PIEZO2: variants seen among roughly 807,000 people sequenced by gnomAD.
The protein encoded by PIEZO2 is piezo-type mechanosensitive ion channel component 2.
In PIEZO2, 172 loss-of-function variants were observed where a neutral mutation model predicts 337.3. That is an observed-to-expected ratio of 0.51 (90% CI 0.45 to 0.58). The LOEUF is 0.58. PIEZO2 is among the 20% of genes least tolerant of loss of function. The probability of loss-of-function intolerance (pLI) is 0.00; values close to 1 mark genes in which losing one functional copy is unlikely to be tolerated. For missense variants in PIEZO2, 3,028 were observed against 3,391.3 expected, an observed-to-expected ratio of 0.89 and a Z score of 2.66; for synonymous variants, 1,251 against 1,228.5, an observed-to-expected ratio of 1.02 and a Z score of -0.38.
intron 2 of PIEZO2, among the ~76,000 whole-genome samples, chr18:11,000,730 G>A (rs764815986): frequency 4.6e-5 from 7 of 152,198 alleles, no homozygotes; most frequent in Non-Finnish European, 1.0e-4. Context: ...GGCTTACCAG[G>A]AAATGAGATT....
At chr18:11,064,649 G>C (rs1327847326) in intron 2 of PIEZO2, among the ~76,000 whole-genome samples, 2 of 152,166 alleles carry the variant, frequency 1.3e-5, no homozygotes, top group East Asian at 3.8e-4. Flanking sequence ...ATTCAGGGCT[G>C]GTTAGTTTGG....
In PIEZO2 at chr18:10,969,897, A is replaced by G. The variant is rs2034166430; in HGVS notation, c.286+9638T>C. Among the ~76,000 whole-genome samples, 1 of 151,770 alleles carries G rather than the reference A, an allele frequency of 6.6e-6. No homozygotes were observed. The highest frequency in any genetic ancestry group is 2.4e-5 in the African/African-American group (1 of 41,322). On this transcript the variant is annotated intron_variant, in intron 3 of 55. Coordinates refer to ENST00000674853, the MANE Select transcript of PIEZO2 (RefSeq NM_001378183.1). The surrounding 1 kb of genome is among the most constrained non-coding windows in gnomAD (Gnocchi z 4.5). Reference sequence around the variant, plus strand: ...AGTCATCAAATTTTGTCTTTGCCATACCTTTATTTCTCCTTTTTTTGGCTG... The same window carrying G: ...AGTCATCAAATTTTGTCTTTGCCATGCCTTTATTTCTCCTTTTTTTGGCTG...
intron 49 of PIEZO2, among the ~76,000 whole-genome samples, chr18:10,689,191 T>C (rs1204084807): frequency 6.6e-6 from 1 of 152,202 alleles, no homozygotes; most frequent in Non-Finnish European, 1.5e-5. Flanking sequence ...TCTAGACATA[T>C]TTAAACCTTA....
Position 11,047,740 on chromosome 18 carries a change from G to A in PIEZO2, c.160+18387C>T, listed in dbSNP as rs905362534. On this transcript the variant is annotated intron_variant, in intron 2 of 55. Transcript: ENST00000674853. This position sits in a 1 kb window ranked among gnomAD's most constrained non-coding sequence, Gnocchi z 7.2. ...GGGCCTTTCTCCACAACAACTAAGA[G>A]TATGGCTTTGACAGGTGTCCCTGCA... Among the ~76,000 whole-genome samples, 3 of 152,118 alleles carry A rather than the reference G, an allele frequency of 2.0e-5. No homozygotes were observed. The highest frequency in any genetic ancestry group is 7.2e-5 in the African/African-American group (3 of 41,426).
intron 5 of PIEZO2, among the ~76,000 whole-genome samples, chr18:10,865,779 T>A (rs1010348160): frequency 1.3e-5 from 2 of 152,098 alleles, no homozygotes; most frequent in African/African-American, 4.8e-5. Flanking sequence ...ATTCCTTGAG[T>A]GATGCAGGTT....
At chr18:10,845,509 C>T (rs1178271675) in intron 7 of PIEZO2, among the ~76,000 whole-genome samples, 3 of 152,124 alleles carry the variant, frequency 2.0e-5, no homozygotes, top group Admixed American at 6.5e-5. Context: ...AAATCACATA[C>T]ATGTGTTTCT....
chr18:11,072,848 G>C (rs74617037), intron 1 of PIEZO2, among the ~76,000 whole-genome samples: 1 of 152,100 alleles, frequency 6.6e-6, no homozygotes, highest in Non-Finnish European at 1.5e-5. Flanking sequence ...GGTCAAGGCC[G>C]GGCTAGGATT....
rs745618117 is a variant in PIEZO2, at chr18:10,882,834, C to CTTTTTT, written c.330-11425_330-11420dup. On this transcript the variant is annotated intron_variant, in intron 4 of 55. Coordinates refer to ENST00000674853, the MANE Select transcript of PIEZO2 (RefSeq NM_001378183.1). ...CCATTGTGCATATGTACCACATTTT[C>CTTTTTT]TTTTTTTCTTTTTTTTTTTTTTTGA... Among the ~76,000 whole-genome samples the CTTTTTT allele has an allele frequency of 7.5e-4, 83 of 109,970 alleles. 11 individuals carry two copies. Among genetic ancestry groups the CTTTTTT allele is most frequent in the South Asian group, 1.2e-3 (4 of 3,242 alleles). 72.1% of individuals were successfully genotyped at this position (109,970 alleles called of 152,430 possible).
chr18:11,024,193 C>G (rs555457695), intron 2 of PIEZO2, among the ~76,000 whole-genome samples: 7 of 152,184 alleles, frequency 4.6e-5, no homozygotes, highest in Non-Finnish European at 8.8e-5. Context: ...ACTGTCACCT[C>G]TCACTACGAT....
At chr18:11,079,390 C>A (rs994216986) in intron 1 of PIEZO2, among the ~76,000 whole-genome samples, 1 of 152,182 alleles carries the variant, frequency 6.6e-6, no homozygotes, top group Admixed American at 6.5e-5. Flanking sequence ...GACCACTTGG[C>A]AAACTTTTAC....
chr18:10,839,513 G>A (rs932712084), intron 7 of PIEZO2, among the ~76,000 whole-genome samples: 6 of 152,176 alleles, frequency 3.9e-5, no homozygotes, highest in African/African-American at 7.2e-5. Flanking sequence ...CCCTTATGCC[G>A]ATGATTGTCA....
intron 39 of PIEZO2, among the ~76,000 whole-genome samples, chr18:10,714,477 G>A (rs940908931): frequency 2.0e-5 from 3 of 151,572 alleles, no homozygotes; most frequent in African/African-American, 7.3e-5. Flanking sequence ...TTGGGGTTGG[G>A]AGGGATCATT....
rs1373696588 is a variant in PIEZO2 at position 10,742,660 on chromosome 18, G to T, written c.4515-45C>A. On this transcript the variant is annotated intron_variant, in intron 31 of 55. Coordinates refer to ENST00000674853, the MANE Select transcript of PIEZO2 (RefSeq NM_001378183.1). ...TAGTAATGCCAAGAACATATTCATTGTTCTCATGTGGTCAGTACTTTGGAC... is the reference window on the plus strand; with the variant it reads ...TAGTAATGCCAAGAACATATTCATTTTTCTCATGTGGTCAGTACTTTGGAC... 5 of 1,531,620 alleles carry T rather than the reference G, an allele frequency of 3.3e-6. No individual in the cohort carries two copies. In the African/African-American group the frequency reaches 4.1e-5, roughly 13 times the overall value. The allele number at this position is 1,531,620 out of a possible 1,614,324, so 94.9% of individuals were successfully genotyped here. A position where few individuals can be genotyped will look rare whatever the true frequency, so the allele number is the denominator to read the frequency against.
At position 11,097,211 on chromosome 18, in the gene PIEZO2, A is replaced by G. The variant is rs868100613; in HGVS notation, c.65-30989T>C. On this transcript the variant is annotated intron_variant, in intron 1 of 55. Transcript: ENST00000674853. The surrounding 1 kb of genome is among the most constrained non-coding windows in gnomAD (Gnocchi z 5.0). ...TGCTTTTTATATGTTTAAATGATTG[A>G]AAAAAAAAGTCAAAAGAAGACTAGA... Among the ~76,000 whole-genome samples, 3 of 151,680 alleles carry G rather than the reference A, an allele frequency of 2.0e-5. No individual in the cohort carries two copies. The highest frequency in any genetic ancestry group is 2.9e-5 in the Non-Finnish European group (2 of 67,910).
At chr18:10,977,033 GTGTA>G (rs1214445256) in intron 3 of PIEZO2, among the ~76,000 whole-genome samples, 20 of 151,574 alleles carry the variant, frequency 1.3e-4, no homozygotes, top group African/African-American at 4.6e-4. Flanking sequence ...GTGTGTGTGT[GTGTA>G]TGTAAGCTTG....
rs2036026483 is a variant in PIEZO2, at chr18:10,716,766, G to A, written c.5090-950C>T. Among the ~76,000 whole-genome samples the A allele has an allele frequency of 6.6e-6, 1 of 151,574 alleles. No homozygotes were observed. Among genetic ancestry groups the A allele is most frequent in the Non-Finnish European group, 1.5e-5 (1 of 68,026 alleles). On this transcript the variant is annotated intron_variant, in intron 37 of 55. Transcript: ENST00000674853. This position sits in a 1 kb window ranked among gnomAD's most constrained non-coding sequence, Gnocchi z 4.1. ...CATAAAGGGGAAGCTTGGCTCTGGAGGATGAAAGGCTTGGAGTTACACCCA... is the reference window on the plus strand; with the variant it reads ...CATAAAGGGGAAGCTTGGCTCTGGAAGATGAAAGGCTTGGAGTTACACCCA...
At chr18:10,836,239 A>T (rs2041009838) in intron 7 of PIEZO2, among the ~76,000 whole-genome samples, 1 of 152,176 alleles carries the variant, frequency 6.6e-6, no homozygotes, top group African/African-American at 2.4e-5. Context: ...TGGAATTTAT[A>T]ATGCTGACTC....
At chr18:10,816,550 A>C (rs570372035) in intron 7 of PIEZO2, among the ~76,000 whole-genome samples, 7 of 152,246 alleles carry the variant, frequency 4.6e-5, no homozygotes, top group Non-Finnish European at 8.8e-5. Flanking sequence ...TTTTATAAAC[A>C]AAAGTTCATC....
chr18:10,949,204 T>C (rs954328251), intron 3 of PIEZO2, among the ~76,000 whole-genome samples: 2 of 114,752 alleles, frequency 1.7e-5, no homozygotes, highest in African/African-American at 1.0e-4. Context: ...GTAGGAAACA[T>C]TTTTTTCTCA....
Sources: allele counts gnomAD v4.1 joint callset (sites outside exome capture counted in the v4.1 genomes callset), GRCh38; gene constraint gnomAD v4.1.1; non-coding constraint Gnocchi (gnomAD v3.1); transcripts MANE v1.5; gene names NCBI Gene and HGNC (gene_info 2026-07-23, HGNC 2026-07-21).